STXBP5: variants seen among roughly 807,000 people sequenced by gnomAD.
The protein encoded by STXBP5 is syntaxin binding protein 5, also known as syntaxin-binding protein 5.
STXBP5 carries 50 observed loss-of-function variants against 152.4 expected under a neutral mutation model. The ratio of observed to expected loss-of-function variants is 0.33; its 90% confidence interval spans 0.26 to 0.42. STXBP5 has a LOEUF of 0.42. STXBP5 is among the 10% of genes least tolerant of loss of function. The pLI is 1.00. For missense variants in STXBP5, 1,167 were observed against 1,388.6 expected (o/e 0.84, Z 2.54); for synonymous variants, 492 against 494.7 (o/e 0.99, Z 0.07).
At chr6:147,336,409 T>A (rs1420277479) in intron 19 of STXBP5, among the ~76,000 whole-genome samples, 1 of 152,080 alleles carries the variant, frequency 6.6e-6, no homozygotes. Context: ...TTTTTTAACC[T>A]TCATTCCTGT....
chr6:147,351,064 C>T (rs1023192508), intron 21 of STXBP5, among the ~76,000 whole-genome samples: 1 of 152,108 alleles, frequency 6.6e-6, no homozygotes, highest in Non-Finnish European at 1.5e-5. Context: ...ATTATATAGA[C>T]GTACTGGGAT....
At chr6:147,258,582 C>T (rs1166671661) in intron 4 of STXBP5, among the ~76,000 whole-genome samples, 1 of 152,030 alleles carries the variant, frequency 6.6e-6, no homozygotes, top group Non-Finnish European at 1.5e-5. Flanking sequence ...TACAGGTGCC[C>T]ACCACCTCGC....
At chr6:147,230,258 T>C (rs1777930031) in intron 2 of STXBP5, among the ~76,000 whole-genome samples, 1 of 151,966 alleles carries the variant, frequency 6.6e-6, no homozygotes, top group Admixed American at 6.6e-5. Flanking sequence ...AAATGTTTTT[T>C]AGCTGATCAT....
chr6:147,289,923 G>A (rs1167464463), intron 8 of STXBP5, among the ~76,000 whole-genome samples: 2 of 152,146 alleles, frequency 1.3e-5, no homozygotes, highest in African/African-American at 2.4e-5. Flanking sequence ...TTTCCTGGCC[G>A]GGTGCAGTGG....
At chr6:147,248,094 A>G (rs1443562666) in intron 4 of STXBP5, among the ~76,000 whole-genome samples, 37 of 152,138 alleles carry the variant, frequency 2.4e-4, no homozygotes, top group Non-Finnish European at 7.4e-5. Flanking sequence ...AGCCTGGCCA[A>G]CATGGCGAAA....
chr6:147,279,568 A>G (rs555751110), intron 8 of STXBP5, among the ~76,000 whole-genome samples: 1 of 152,204 alleles, frequency 6.6e-6, no homozygotes, highest in Non-Finnish European at 1.5e-5. Context: ...GAAAAATAAC[A>G]GTTCTTGAAA....
chr6:147,313,435 T>G (rs554228702), intron 11 of STXBP5, among the ~76,000 whole-genome samples: 4 of 152,312 alleles, frequency 2.6e-5, no homozygotes, highest in Admixed American at 6.5e-5. Flanking sequence ...AAAAATATTC[T>G]GAATTAAATA....
intron 22 of STXBP5, 126 bp downstream of exon 22, chr6:147,353,499 G>A: frequency 1.9e-6 from 1 of 528,256 alleles, no homozygotes; most frequent in Non-Finnish European, 3.3e-6. Context: ...GATGCTTAAG[G>A]TTTAAACATT....
At chr6:147,342,110 C>G (rs1784120336) in intron 21 of STXBP5, among the ~76,000 whole-genome samples, 1 of 152,102 alleles carries the variant, frequency 6.6e-6, no homozygotes, top group Non-Finnish European at 1.5e-5. Flanking sequence ...AAAGCAAATT[C>G]ATGGTGTGAT....
At chr6:147,231,182 G>A (rs1302316148) in intron 2 of STXBP5, among the ~76,000 whole-genome samples, 2 of 151,520 alleles carry the variant, frequency 1.3e-5, no homozygotes, top group Non-Finnish European at 3.0e-5. Context: ...TTAACTGCTA[G>A]TTTTATCATG....
chr6:147,235,167 A>T lies in STXBP5; in HGVS notation c.249-83A>T, dbSNP rs1778207797. Reference sequence around the variant, plus strand: ...CCTGTATTGAATATGAGGTCATTGGAATATTTATCAGCCTATTATATAACT... The same window carrying T: ...CCTGTATTGAATATGAGGTCATTGGTATATTTATCAGCCTATTATATAACT... On this transcript the variant is annotated intron_variant, in intron 2 of 27. Transcript: ENST00000321680. The T allele has an allele frequency of 3.4e-6, 4 of 1,184,128 alleles. No homozygotes were observed. In the South Asian group the frequency reaches 3.9e-5, roughly 11 times the overall value. The allele number at this position is 1,184,128 out of a possible 1,614,324, so 73.4% of individuals were successfully genotyped here.
intron 25 of STXBP5, among the ~76,000 whole-genome samples, chr6:147,373,187 C>T (rs564291118): frequency 4.0e-5 from 6 of 151,634 alleles, no homozygotes; most frequent in East Asian, 3.9e-4. Context: ...GCCAACATGG[C>T]GCAAAACCTG....
intron 9 of STXBP5, chr6:147,292,526 A>T (rs984195997): frequency 6.5e-6 from 1 of 153,964 alleles, no homozygotes; most frequent in Non-Finnish European, 1.4e-5. Flanking sequence ...TTGAGAAGCC[A>T]TTTTTTTAAG....
chr6:147,351,662 C>T (rs928031547), intron 21 of STXBP5, among the ~76,000 whole-genome samples: 4 of 152,182 alleles, frequency 2.6e-5, no homozygotes, highest in Middle Eastern at 3.4e-3. Flanking sequence ...AAATTTTTTA[C>T]GTTGGTGAAA....
intron 11 of STXBP5, among the ~76,000 whole-genome samples, chr6:147,312,682 A>G (rs890484115): frequency 2.0e-5 from 3 of 152,166 alleles, no homozygotes; most frequent in African/African-American, 7.2e-5. Context: ...TTAGGTGAAC[A>G]GTATCATTTA....
intron 22 of STXBP5, among the ~76,000 whole-genome samples, chr6:147,356,131 T>G (rs935964144): frequency 2.0e-5 from 3 of 152,248 alleles, no homozygotes; most frequent in Non-Finnish European, 4.4e-5. Flanking sequence ...AATTTTAGGT[T>G]GTGCATTTTA....
chr6:147,347,486 A>G (rs140151250), intron 21 of STXBP5, among the ~76,000 whole-genome samples: 12 of 152,356 alleles, frequency 7.9e-5, no homozygotes, highest in African/African-American at 2.2e-4. Context: ...CTTTAAATCC[A>G]TTTAAACTTA....
At chr6:147,330,032 C>G (rs1478047228) in intron 18 of STXBP5, among the ~76,000 whole-genome samples, 1 of 152,046 alleles carries the variant, frequency 6.6e-6, no homozygotes, top group Non-Finnish European at 1.5e-5. Flanking sequence ...AATTTTAAGA[C>G]AAAACTGTTT....
At chr6:147,255,444 G>T (rs486867) in intron 4 of STXBP5, among the ~76,000 whole-genome samples, 4 of 151,910 alleles carry the variant, frequency 2.6e-5, no homozygotes, top group African/African-American at 4.8e-5. Flanking sequence ...TGGGTGGGTA[G>T]TCAAGAACAA....
Sources: allele counts gnomAD v4.1 joint callset (sites outside exome capture counted in the v4.1 genomes callset), GRCh38; gene constraint gnomAD v4.1.1; transcripts MANE v1.5; gene names NCBI Gene and HGNC (gene_info 2026-07-23, HGNC 2026-07-21).